Variants in VPS54 observed in about 807,000 individuals in gnomAD.
The protein encoded by VPS54 is VPS54 subunit of GARP complex.
In VPS54, 45 loss-of-function variants were observed where a neutral mutation model predicts 121.5. That is an observed-to-expected ratio of 0.37 (90% CI 0.29 to 0.47). VPS54 has a LOEUF of 0.47. Ranked by LOEUF, VPS54 falls within the 20% of genes least tolerant of loss-of-function variation. The pLI, the probability that VPS54 is intolerant of heterozygous loss-of-function variation, is 0.99. For synonymous variants in VPS54, 371 were observed against 385.8 expected (o/e 0.96, Z 0.45); for missense variants, 1,090 against 1,131.4 (o/e 0.96, Z 0.52).
Position 63,965,979 on chromosome 2 carries a change from T to C in VPS54, c.493-13A>G. ...GTTTCATAAAAATCTATTAAAAAAA[T>C]GCATTTCCCTCAATTAGATAAGTAT... is the stretch of plus-strand genomic sequence containing the variant. On this transcript the variant is annotated splice_polypyrimidine_tract_variant and intron_variant, in intron 5 of 22. Transcript: ENST00000272322. The C allele has an allele frequency of 1.2e-6, 2 of 1,600,946 alleles. No individual in the cohort carries two copies. Among genetic ancestry groups the C allele is most frequent in the Non-Finnish European group, 1.7e-6 (2 of 1,176,240 alleles).
rs370976025 is a variant in VPS54 at position 63,913,308 on chromosome 2, G to A, written c.2337C>T (p.Tyr779=). 2.5e-5 allele frequency: 40 copies of A among 1,608,054 alleles called. No homozygotes were observed. The highest frequency in any genetic ancestry group is 3.3e-5 in the Non-Finnish European group (39 of 1,177,712). ...MLTRLSDLLK[Y]FNSRSCQLVL... is the part of the protein sequence containing the mutation. ...CTAACTGGCAACTTCTTGAATTGAAGTACTAACAAAAGAAGGAGAAAAAAA... is the reference window on the plus strand; with the variant it reads ...CTAACTGGCAACTTCTTGAATTGAAATACTAACAAAAGAAGGAGAAAAAAA... The change falls in exon 18 of 23, where the codon TAC becomes TAT. Residue 779 remains tyrosine (Y), a splice_region_variant and synonymous_variant. Coordinates refer to ENST00000272322, the MANE Select transcript of VPS54 (RefSeq NM_016516.3).
At position 63,949,055 on chromosome 2, in the gene VPS54, G is replaced by C; in HGVS notation, c.1119C>G (p.Asp373Glu). The C allele has an allele frequency of 6.2e-7, 1 of 1,611,166 alleles. No individual in the cohort carries two copies. Among genetic ancestry groups the C allele is most frequent in the Non-Finnish European group, 8.5e-7 (1 of 1,179,030 alleles). ...HSDLNRPLED[D>E]CQVLEEERLI... ...CACATACCTCTTCTAAAACTTGACA[G>C]TCATCTTCCAGTGGTCTATTTAAGT... Residue 373 changes from aspartate (D) to glutamate (E), a missense_variant, in exon 8 of 23, where the codon GAC becomes GAG. Transcript: ENST00000272322.
intron 12 of VPS54, among the ~76,000 whole-genome samples, chr2:63,925,872 A>G (rs1452259609): frequency 6.6e-6 from 1 of 152,224 alleles, no homozygotes; most frequent in Non-Finnish European, 1.5e-5. Context: ...GTAAAGTTAT[A>G]GTTCTTGAGG....
intron 7 of VPS54, among the ~76,000 whole-genome samples, chr2:63,957,441 C>CAAAAAAAAAAAAAAAAAAAA (rs10551633): frequency 1.4e-4 from 13 of 90,128 alleles, no homozygotes; most frequent in South Asian, 8.4e-4. Context: ...GACTCCATCT[C>CAAAAAAAAAAAAAAAAAAAA]AAAAAAAAAA....
intron 1 of VPS54, among the ~76,000 whole-genome samples, chr2:63,990,288 T>A (rs745536442): frequency 1.3e-5 from 2 of 152,166 alleles, no homozygotes; most frequent in Middle Eastern, 3.2e-3. Flanking sequence ...TGACCTTGTT[T>A]CTTTTCACGA....
chr2:64,007,800 T>TACACAGGG (rs1226374866), intron 1 of VPS54, among the ~76,000 whole-genome samples: 1 of 152,146 alleles, frequency 6.6e-6, no homozygotes, highest in African/African-American at 2.4e-5. Flanking sequence ...ATACCATCCT[T>TACACAGGG]ACACAGGGAA....
intron 3 of VPS54, among the ~76,000 whole-genome samples, chr2:63,976,823 CTCTTT>C (rs1479809495): frequency 2.9e-5 from 2 of 68,040 alleles, no homozygotes; most frequent in Non-Finnish European, 5.8e-5. Context: ...CTTATATCTT[CTCTTT>C]TTTTTTTTTT....
At chr2:63,983,182 G>T (rs977508139) in intron 2 of VPS54, among the ~76,000 whole-genome samples, 2 of 144,316 alleles carry the variant, frequency 1.4e-5, no homozygotes, top group East Asian at 2.0e-4. Context: ...AAACAGTCTC[G>T]TTCTGTCACC....
intron 20 of VPS54, among the ~76,000 whole-genome samples, chr2:63,911,972 C>T (rs1245890480): frequency 6.6e-6 from 1 of 152,070 alleles, no homozygotes; most frequent in Non-Finnish European, 1.5e-5. Flanking sequence ...GAAAAACAAA[C>T]AAGAAATGAA....
intron 22 of VPS54, among the ~76,000 whole-genome samples, chr2:63,893,876 C>G (rs760886806): frequency 5.3e-5 from 8 of 152,158 alleles, no homozygotes; most frequent in Admixed American, 1.3e-4. Flanking sequence ...TTGGTTAGCA[C>G]TAGAGTATGG....
At chr2:63,927,901 G>A (rs548072081) in intron 12 of VPS54, among the ~76,000 whole-genome samples, 1 of 152,296 alleles carries the variant, frequency 6.6e-6, no homozygotes, top group East Asian at 1.9e-4. Context: ...TCAAGTGGAA[G>A]AAAGGGTATC....
chr2:63,946,115 G>C (rs1575942525), intron 9 of VPS54, among the ~76,000 whole-genome samples: 1 of 152,032 alleles, frequency 6.6e-6, no homozygotes, highest in East Asian at 1.9e-4. Context: ...GCCTGCATTT[G>C]AGTTTTACAT....
intron 7 of VPS54, among the ~76,000 whole-genome samples, chr2:63,958,329 G>A (rs1370961933): frequency 1.3e-5 from 2 of 152,078 alleles, no homozygotes; most frequent in Non-Finnish European, 2.9e-5. Context: ...TGAGAAAAAA[G>A]AAGACACACG....
intron 9 of VPS54, 99 bp downstream of exon 9, chr2:63,947,284 T>C: frequency 1.8e-6 from 2 of 1,124,970 alleles, no homozygotes; most frequent in Admixed American, 3.7e-5. Flanking sequence ...AAATGAGCTA[T>C]ATTACTATTA....
chr2:63,988,108 G>A (rs374418344), intron 1 of VPS54, among the ~76,000 whole-genome samples: 2 of 152,294 alleles, frequency 1.3e-5, no homozygotes, highest in African/African-American at 4.8e-5. Context: ...GATCTTAGAA[G>A]AAGGGCTTTC....
At chr2:63,930,921 CAA>C (rs987919591) in intron 12 of VPS54, among the ~76,000 whole-genome samples, 5 of 152,076 alleles carry the variant, frequency 3.3e-5, no homozygotes, top group African/African-American at 4.8e-5. Flanking sequence ...ACAATTGCTA[CAA>C]AGAGAATAAA....
intron 1 of VPS54, among the ~76,000 whole-genome samples, chr2:63,992,426 A>G (rs1336762447): frequency 6.6e-6 from 1 of 152,232 alleles, no homozygotes; most frequent in East Asian, 1.9e-4. Context: ...CAAAACATGA[A>G]GGGATTACTA....
chr2:63,984,516 T>TA (rs1470855278), intron 1 of VPS54, among the ~76,000 whole-genome samples: 2 of 152,340 alleles, frequency 1.3e-5, no homozygotes, highest in African/African-American at 4.8e-5. Context: ...AGAATGGACA[T>TA]AATAAGTAAA....
intron 2 of VPS54, among the ~76,000 whole-genome samples, chr2:63,983,444 A>ATT (rs58336872): frequency 0.047 from 5,691 of 120,058 alleles, 495 homozygotes; most frequent in African/African-American, 0.18. Flanking sequence ...GCCCCAAATG[A>ATT]TTTTTTTTTT....
Sources: allele counts gnomAD v4.1 joint callset (sites outside exome capture counted in the v4.1 genomes callset), GRCh38; gene constraint gnomAD v4.1.1; transcripts MANE v1.5; gene names NCBI Gene and HGNC (gene_info 2026-07-23, HGNC 2026-07-21).